Variants in RIMS3 observed in about 807,000 individuals in gnomAD.
The protein encoded by RIMS3 is regulating synaptic membrane exocytosis 3.
In RIMS3, 15 loss-of-function variants were observed where a neutral mutation model predicts 29.2. That is an observed-to-expected ratio of 0.51 (90% CI 0.34 to 0.79). RIMS3 has a LOEUF of 0.79. Among genes scored for constraint, RIMS3 ranks in the 30% least tolerant of loss-of-function variants. RIMS3 has a pLI of 0.01. For synonymous variants in RIMS3, 161 were observed against 170.1 expected, an observed-to-expected ratio of 0.95 and a Z score of 0.41; for missense variants, 342 against 421.4, an observed-to-expected ratio of 0.81 and a Z score of 1.65.
chr1:40,691,751 C>G, the RIMS3 span: 1 of 455,638 alleles, frequency 2.2e-6, no homozygotes, highest in South Asian at 1.6e-5. Flanking sequence ...TTCGCGCGCG[C>G]TCCGTTCTCC....
Position 40,633,129 on chromosome 1 carries a change from G to C in RIMS3, c.412C>G (p.Leu138Val). Residue 138 changes from leucine (L) to valine (V), a missense_variant, in exon 5 of 8, where the codon CTG becomes GTG. Leu to Val is a conservative substitution (Grantham distance 32, BLOSUM62 1). Coordinates refer to ENST00000372684, the MANE Select transcript of RIMS3 (RefSeq NM_014747.3). ...ATCTGAGCTGGTCCCAGCCCATCCA[G>C]GAAATCGCTGAACTGGCTTTCAGCC... is the stretch of plus-strand genomic sequence containing the variant. ...LGAESQFSDF[L>V]DGLGPAQIVG... The C allele has an allele frequency of 6.2e-7, 1 of 1,614,170 alleles. No homozygotes were observed. Among genetic ancestry groups the C allele is most frequent in the Non-Finnish European group, 8.5e-7 (1 of 1,180,002 alleles).
intron 1 of RIMS3, among the ~76,000 whole-genome samples, chr1:40,657,115 A>C (rs1270913083): frequency 6.6e-6 from 1 of 152,230 alleles, no homozygotes; most frequent in Admixed American, 6.5e-5. Context: ...CAGAGCAGGA[A>C]TTATCTTCCC....
In RIMS3 at chr1:40,629,305, G is replaced by A. The variant is rs146595432; in HGVS notation, c.540C>T (p.Gly180=). 129 of 1,614,136 alleles carry A rather than the reference G, an allele frequency of 8.0e-5. No homozygotes were observed. In the African/African-American group the frequency reaches 1.2e-3, roughly 15 times the overall value. ...ATTTGGAGCCTGGTTTGGGGGTCAG[G>A]CCCCGAGCTTCAATCACTTCCACCT... is the stretch of plus-strand genomic sequence containing the variant. ...QLEVEVIEAR[G]LTPKPGSKSL... The change falls in exon 6 of 8, where the codon GGC becomes GGT. Residue 180 remains glycine (G), a synonymous_variant. Transcript: ENST00000372684.
chr1:40,636,462 T>G lies in RIMS3; in HGVS notation c.218-405A>C, dbSNP rs1393053340. The stretch of plus-strand genomic sequence containing the variant: ...TCTCTTCTGGAAAGTTCATCTTCTC[T>G]GGGATTCTCAGACTGACTTTCCCTC... On this transcript the variant is annotated intron_variant, in intron 3 of 7. Transcript: ENST00000372684. This position sits in a 1 kb window ranked among gnomAD's most constrained non-coding sequence, Gnocchi z 4.2. Among the ~76,000 whole-genome samples the G allele has an allele frequency of 6.6e-6, 1 of 152,180 alleles. No individual in the cohort carries two copies. The highest frequency in any genetic ancestry group is 1.5e-5 in the Non-Finnish European group (1 of 68,040).
chr1:40,686,416 G>A, the RIMS3 span, among the ~76,000 whole-genome samples: 2 of 152,172 alleles, frequency 1.3e-5, no homozygotes, highest in Non-Finnish European at 2.9e-5. Flanking sequence ...ACTTTGGGAG[G>A]CTGAGGTGGG....
At chr1:40,669,879 G>A (rs1375764512), upstream of RIMS3, among the ~76,000 whole-genome samples, 5 of 152,188 alleles carry the variant, frequency 3.3e-5, no homozygotes, top group Non-Finnish European at 2.9e-5. Context: ...AGTTCAAGGT[G>A]CTCTCAGAAA....
At chr1:40,666,822 C>G (rs772470820), upstream of RIMS3, among the ~76,000 whole-genome samples, 1 of 152,020 alleles carries the variant, frequency 6.6e-6, no homozygotes, top group African/African-American at 2.4e-5. Flanking sequence ...GCTGGGAGTT[C>G]GAGATCAACC....
chr1:40,623,505 G>C lies in RIMS3; in HGVS notation c.*3012C>G. ...CTCTGCCATATGCACAGTGAACCTC[G>C]CCTGACCAGAGGAGGTGGAATGACA... is the stretch of plus-strand genomic sequence containing the variant. On this transcript the variant is annotated 3_prime_UTR_variant, in exon 8 of 8. Coordinates refer to ENST00000372684, the MANE Select transcript of RIMS3 (RefSeq NM_014747.3). 5.0e-6 allele frequency: 2 copies of C among 398,590 alleles called. No homozygotes were observed. Among genetic ancestry groups the C allele is most frequent in the Non-Finnish European group, 8.8e-6 (2 of 226,094 alleles). 24.7% of individuals were successfully genotyped at this position (398,590 alleles called of 1,614,324 possible).
rs751968332 is a variant in RIMS3, at chr1:40,641,769, T to A, written c.157A>T (p.Met53Leu). 21 of 1,613,662 alleles carry A rather than the reference T, an allele frequency of 1.3e-5. No individual in the cohort carries two copies. The East Asian group carries it at 4.7e-4, about 36-fold the overall frequency. The change falls in exon 3 of 8, where the codon ATG becomes TTG. Residue 53 changes from methionine to leucine, a missense_variant. Physicochemically the swap from Met to Leu is conservative, Grantham distance 15. Transcript: ENST00000372684. Reference protein sequence around the residue: ...KKRRSSLGAKMVAIVGLTQWS... With the variant: ...KKRRSSLGAKLVAIVGLTQWS... ...TGAGTCAGGCCCACGATGGCCACCA[T>A]CTTGGCACCCAGGCTGCTCCGCCGC...
chr1:40,660,796 GT>G (rs1642341316), intron 1 of RIMS3, among the ~76,000 whole-genome samples: 1 of 152,090 alleles, frequency 6.6e-6, no homozygotes, highest in Non-Finnish European at 1.5e-5. Context: ...GGGAAGAGGG[GT>G]TGGGGCAACT....
Position 40,641,772 on chromosome 1 carries a change from T to C in RIMS3, c.154A>G (p.Lys52Glu). ...GTCAGGCCCACGATGGCCACCATCT[T>C]GGCACCCAGGCTGCTCCGCCGCTTC... ...AKKRRSSLGA[K>E]MVAIVGLTQW... The change falls in exon 3 of 8, where the codon AAG (lysine) becomes GAG (glutamate). Residue 52 changes from lysine to glutamate, a missense_variant. Lys to Glu is a moderately conservative substitution (Grantham distance 56). Coordinates refer to ENST00000372684, the MANE Select transcript of RIMS3 (RefSeq NM_014747.3). 6.2e-7 allele frequency: 1 copy of C among 1,613,790 alleles called. No individual in the cohort carries two copies. The highest frequency in any genetic ancestry group is 8.5e-7 in the Non-Finnish European group (1 of 1,179,732).
At chr1:40,656,159 A>G (rs1309599337) in intron 1 of RIMS3, among the ~76,000 whole-genome samples, 4 of 152,224 alleles carry the variant, frequency 2.6e-5, no homozygotes, top group Non-Finnish European at 4.4e-5. Context: ...ACTTGAGTCC[A>G]GGAGGTCAAG....
chr1:40,688,198 C>T, the RIMS3 span, among the ~76,000 whole-genome samples: 181 of 152,146 alleles, frequency 1.2e-3, no homozygotes, highest in African/African-American at 4.2e-3. Flanking sequence ...CTCCTGACCT[C>T]GTGATCTGCC....
chr1:40,678,009 A>AT, the RIMS3 span, among the ~76,000 whole-genome samples: 1 of 152,206 alleles, frequency 6.6e-6, no homozygotes, highest in Non-Finnish European at 1.5e-5. Flanking sequence ...GCAAGAATAA[A>AT]TTCTGTTGGA....
intron 2 of RIMS3, among the ~76,000 whole-genome samples, chr1:40,642,300 C>G (rs1646563872): frequency 1.3e-5 from 2 of 152,164 alleles, no homozygotes; most frequent in Non-Finnish European, 2.9e-5. Context: ...GTGAACATCT[C>G]AGCAAGATGT....
chr1:40,645,025 G>A (rs1646585498), intron 2 of RIMS3, among the ~76,000 whole-genome samples: 1 of 152,250 alleles, frequency 6.6e-6, no homozygotes, highest in Non-Finnish European at 1.5e-5. Context: ...ATAGCTGACA[G>A]AGTGGATGAA....
the RIMS3 span, among the ~76,000 whole-genome samples, chr1:40,683,516 C>T: frequency 2.6e-5 from 4 of 152,224 alleles, no homozygotes; most frequent in African/African-American, 9.6e-5. Context: ...CACCAGATGT[C>T]GAGCAAATGC....
chr1:40,677,886 C>T, the RIMS3 span, among the ~76,000 whole-genome samples: 1 of 152,128 alleles, frequency 6.6e-6, no homozygotes, highest in Non-Finnish European at 1.5e-5. Context: ...ATAATCTTAA[C>T]CTGTACCCTC....
At chr1:40,626,793 C>G (rs1646457651) in intron 7 of RIMS3, 64 bp from the exon 8 acceptor site, 1 of 1,483,776 alleles carries the variant, frequency 6.7e-7, no homozygotes. Context: ...TGCAGCAGGC[C>G]TAGGAACCTA....
Sources: gnomAD v4.1 joint callset for allele counts (sites outside exome capture counted in the v4.1 genomes callset) on GRCh38, gnomAD v4.1.1 for gene constraint, Gnocchi (gnomAD v3.1) non-coding constraint, MANE v1.5 for transcripts, NCBI Gene and HGNC (gene_info 2026-07-23, HGNC 2026-07-21) for gene names.